Variants in CCDC73 observed in about 807,000 individuals in gnomAD.
The protein encoded by CCDC73 is coiled-coil domain-containing protein 73.
CCDC73 carries 95 observed loss-of-function variants against 116.5 expected under a neutral mutation model. The ratio of observed to expected loss-of-function variants is 0.82; its 90% CI spans 0.69 to 0.97. The LOEUF (loss-of-function observed/expected upper bound fraction) is 0.97. Ranked by LOEUF, CCDC73 falls within the 50% of genes least tolerant of loss-of-function variation. The probability of loss-of-function intolerance (pLI) is 0.00; values close to 1 mark genes in which losing one functional copy is unlikely to be tolerated. For missense variants in CCDC73, 1,066 were observed against 1,206.8 expected, an observed-to-expected ratio of 0.88 and a Z score of 1.73; for synonymous variants, 398 against 401.3, an observed-to-expected ratio of 0.99 and a Z score of 0.10.
chr11:32,726,367 C>T (rs1306986222), intron 2 of CCDC73, among the ~76,000 whole-genome samples: 1 of 151,830 alleles, frequency 6.6e-6, no homozygotes, highest in African/African-American at 2.4e-5. Context: ...AAAAGACAAA[C>T]CATATGGAAA....
intron 12 of CCDC73, among the ~76,000 whole-genome samples, chr11:32,648,004 TC>T (rs1420326598): frequency 2.0e-5 from 3 of 151,884 alleles, no homozygotes; most frequent in Non-Finnish European, 2.9e-5. Flanking sequence ...TAGATCCCCT[TC>T]CCCCCAAACC....
chr11:32,639,741 A>G lies in CCDC73; in HGVS notation c.1050+2231T>C, dbSNP rs138708612. Among the ~76,000 whole-genome samples the G allele has an allele frequency of 1.9e-3, 292 of 152,032 alleles. 1 individual carries two copies. The highest frequency in any genetic ancestry group is 6.6e-3 in the African/African-American group (275 of 41,514). On this transcript the variant is annotated intron_variant, in intron 13 of 17. Coordinates refer to ENST00000335185, the MANE Select transcript of CCDC73 (RefSeq NM_001008391.4). ...TGGGATTACAGGCATGAGCCACCAC[A>G]CCCGGCCAAATTGAATTCTTTTTGT...
intron 6 of CCDC73, among the ~76,000 whole-genome samples, chr11:32,686,570 A>G (rs1028835623): frequency 3.3e-5 from 5 of 152,166 alleles, no homozygotes; most frequent in African/African-American, 1.2e-4. Context: ...AATTCAGAAG[A>G]CAATGTATTA....
At chr11:32,738,534 T>G (rs1430208952) in intron 2 of CCDC73, among the ~76,000 whole-genome samples, 1 of 152,212 alleles carries the variant, frequency 6.6e-6, no homozygotes, top group African/African-American at 2.4e-5. Flanking sequence ...TTTGCCCATT[T>G]TTAAATTGGA....
At chr11:32,703,196 T>TCCTGCCTCAG (rs1849828374) in intron 3 of CCDC73, among the ~76,000 whole-genome samples, 1 of 152,126 alleles carries the variant, frequency 6.6e-6, no homozygotes, top group East Asian at 1.9e-4. Flanking sequence ...CAGGTGATTC[T>TCCTGCCTCAG]CCTGCCTCAG....
At chr11:32,822,593 G>A in the CCDC73 span, among the ~76,000 whole-genome samples, 1 of 152,092 alleles carries the variant, frequency 6.6e-6, no homozygotes, top group Non-Finnish European at 1.5e-5. Flanking sequence ...CAATTATGTT[G>A]AACCATATGA....
chr11:32,724,138 G>A (rs933671133), intron 2 of CCDC73, among the ~76,000 whole-genome samples: 1 of 151,626 alleles, frequency 6.6e-6, no homozygotes, highest in African/African-American at 2.4e-5. Flanking sequence ...AATTTTATGG[G>A]GTATTGAAAT....
At chr11:32,626,916 A>T (rs1052499400) in intron 14 of CCDC73, among the ~76,000 whole-genome samples, 13 of 152,252 alleles carry the variant, frequency 8.5e-5, no homozygotes, top group African/African-American at 3.1e-4. Flanking sequence ...AGGCATGGGC[A>T]AGGACTTCAT....
intron 9 of CCDC73, among the ~76,000 whole-genome samples, chr11:32,659,881 T>C (rs551328432): frequency 5.3e-5 from 8 of 152,308 alleles, no homozygotes; most frequent in African/African-American, 1.4e-4. Flanking sequence ...AGGTATTACA[T>C]GGCAATTGTA....
chr11:32,657,313 C>A (rs1855883002), intron 9 of CCDC73, among the ~76,000 whole-genome samples: 2 of 152,170 alleles, frequency 1.3e-5, no homozygotes, highest in South Asian at 4.1e-4. Context: ...GATATGTACA[C>A]TGCATAAAAT....
chr11:32,645,817 G>A (rs933435765), intron 12 of CCDC73, among the ~76,000 whole-genome samples: 1 of 152,126 alleles, frequency 6.6e-6, no homozygotes, highest in Non-Finnish European at 1.5e-5. Context: ...TATGATACTA[G>A]CAGATGATAG....
intron 10 of CCDC73, 101 bp downstream of exon 10, chr11:32,654,743 T>G: frequency 1.1e-6 from 1 of 892,904 alleles, no homozygotes; most frequent in South Asian, 2.1e-5. Context: ...CTATGCATAT[T>G]GACTTTGCAA....
intron 2 of CCDC73, among the ~76,000 whole-genome samples, chr11:32,720,974 G>GA (rs1273413718): frequency 6.6e-6 from 1 of 152,054 alleles, no homozygotes; most frequent in Admixed American, 6.6e-5. Flanking sequence ...TTAATGTAAG[G>GA]AAAAAAGCTG....
At chr11:32,717,107 C>T (rs1215255233) in intron 3 of CCDC73, among the ~76,000 whole-genome samples, 2 of 152,162 alleles carry the variant, frequency 1.3e-5, no homozygotes, top group East Asian at 1.9e-4. Context: ...TCTGTCTAGC[C>T]TTGAAATTCC....
chr11:32,807,214 G>A, the CCDC73 span, among the ~76,000 whole-genome samples: 15,393 of 152,244 alleles, frequency 0.1, 1,044 homozygotes, highest in Non-Finnish European at 0.15. Flanking sequence ...AGTGGACGCA[G>A]TTTGTCAGTT....
chr11:32,640,909 C>A (rs113718615), intron 13 of CCDC73, among the ~76,000 whole-genome samples: 3,103 of 151,886 alleles, frequency 0.02, 106 homozygotes, highest in African/African-American at 0.069. Flanking sequence ...CCCAGCTACT[C>A]AGGAGGCGAG....
chr11:32,751,464 C>T (rs546853508), intron 2 of CCDC73, among the ~76,000 whole-genome samples: 3 of 152,264 alleles, frequency 2.0e-5, no homozygotes, highest in African/African-American at 7.2e-5. Context: ...CCCCCAGCGG[C>T]AAGGCTTGCT....
At chr11:32,702,156 T>C (rs1029638529) in intron 4 of CCDC73, among the ~76,000 whole-genome samples, 9 of 152,074 alleles carry the variant, frequency 5.9e-5, no homozygotes, top group African/African-American at 2.2e-4. Context: ...ACTTGTATTA[T>C]AAAGATGAAG....
chr11:32,756,665 T>C (rs185320578), intron 2 of CCDC73, among the ~76,000 whole-genome samples: 39 of 151,964 alleles, frequency 2.6e-4, no homozygotes, highest in Non-Finnish European at 4.6e-4. Context: ...TCAGTATCTT[T>C]ATATCTTCCG....
Sources: allele counts gnomAD v4.1 joint callset (sites outside exome capture counted in the v4.1 genomes callset), GRCh38; gene constraint gnomAD v4.1.1; transcripts MANE v1.5; gene names NCBI Gene and HGNC (gene_info 2026-07-23, HGNC 2026-07-21).